The following LDHC variants were observed in gnomAD, a reference collection of about 807,000 sequenced individuals.
LDHC encodes the protein L-lactate dehydrogenase C chain.
In LDHC, 20 loss-of-function variants were observed where a neutral mutation model predicts 30.2. That is an observed-to-expected ratio of 0.66 (90% confidence interval 0.47 to 0.96). The LOEUF (loss-of-function observed/expected upper bound fraction) is 0.96. LDHC is among the 40% of genes least tolerant of loss of function. The probability of loss-of-function intolerance (pLI) is 0.00; values close to 1 mark genes in which losing one functional copy is unlikely to be tolerated. For synonymous variants in LDHC, 139 were observed against 132.7 expected (o/e 1.05, Z -0.32); for missense variants, 362 against 394.9 (o/e 0.92, Z 0.71).
intron 4 of LDHC, among the ~76,000 whole-genome samples, chr11:18,432,855 G>C (rs747136521): frequency 6.6e-6 from 1 of 152,136 alleles, no homozygotes; most frequent in Non-Finnish European, 1.5e-5. Context: ...TGTATGTTAG[G>C]TGAGTCTACT....
chr11:18,434,079 A>T (rs1848315384), intron 4 of LDHC, among the ~76,000 whole-genome samples: 1 of 152,046 alleles, frequency 6.6e-6, no homozygotes, highest in South Asian at 2.1e-4. Context: ...TCTTTCTTCT[A>T]CTTGTTCAGT....
chr11:18,422,344 C>T (rs1418379397), intron 3 of LDHC, among the ~76,000 whole-genome samples: 1 of 151,878 alleles, frequency 6.6e-6, no homozygotes. Flanking sequence ...CACTTAAGGC[C>T]AGGAGTTTGA....
intron 7 of LDHC, among the ~76,000 whole-genome samples, chr11:18,448,430 C>T (rs541969168): frequency 3.3e-5 from 5 of 151,974 alleles, no homozygotes; most frequent in African/African-American, 4.8e-5. Flanking sequence ...ATTACAGGCA[C>T]GTGCCACCAC....
chr11:18,435,719 A>C (rs910968152), intron 5 of LDHC, among the ~76,000 whole-genome samples: 1 of 152,220 alleles, frequency 6.6e-6, no homozygotes. Context: ...ACCACAATCT[A>C]AATACAGAAT....
At chr11:18,414,748 A>T (rs113822754) in intron 2 of LDHC, among the ~76,000 whole-genome samples, 16,469 of 152,154 alleles carry the variant, frequency 0.11, 941 homozygotes, top group Admixed American at 0.15. Flanking sequence ...AAATTGCTTG[A>T]ACCTGGGAGA....
intron 6 of LDHC, among the ~76,000 whole-genome samples, chr11:18,441,137 C>T (rs73438699): frequency 0.15 from 22,615 of 150,096 alleles, 1,875 homozygotes; most frequent in African/African-American, 0.22. Flanking sequence ...AAAAAAAAAA[C>T]AAAAAACAAC....
chr11:18,432,863 A>C (rs57311859), intron 4 of LDHC, among the ~76,000 whole-genome samples: 23,286 of 152,170 alleles, frequency 0.15, 2,010 homozygotes, highest in African/African-American at 0.23. Context: ...AGGTGAGTCT[A>C]CTGAAGACAG....
intron 6 of LDHC, among the ~76,000 whole-genome samples, chr11:18,440,282 C>T (rs1223035619): frequency 1.3e-5 from 2 of 151,914 alleles, no homozygotes; most frequent in Non-Finnish European, 2.9e-5. Flanking sequence ...CCAGTGCACT[C>T]CAGCCTGGCA....
intron 3 of LDHC, among the ~76,000 whole-genome samples, chr11:18,422,537 G>C (rs1166794711): frequency 6.9e-6 from 1 of 144,068 alleles, no homozygotes; most frequent in African/African-American, 2.6e-5. Flanking sequence ...CTGGGCAACA[G>C]AGCAAGACTC....
chr11:18,437,910 C>T (rs1565054555), intron 5 of LDHC, among the ~76,000 whole-genome samples: 1 of 150,728 alleles, frequency 6.6e-6, no homozygotes, highest in African/African-American at 2.4e-5. Flanking sequence ...ACTAAAAATA[C>T]AAAAAAAAGC....
At chr11:18,439,087 G>A (rs910108132) in intron 6 of LDHC, among the ~76,000 whole-genome samples, 9 of 152,156 alleles carry the variant, frequency 5.9e-5, no homozygotes, top group Non-Finnish European at 1.2e-4. Context: ...ACCATGCCAA[G>A]AACTTATTAA....
intron 7 of LDHC, among the ~76,000 whole-genome samples, chr11:18,447,156 C>T (rs375576954): frequency 1.0e-3 from 149 of 144,810 alleles, no homozygotes; most frequent in African/African-American, 3.3e-3. Flanking sequence ...TTTTTTGAGA[C>T]GGAGTCTCAC....
chr11:18,419,526 T>G (rs1867081455), intron 3 of LDHC, among the ~76,000 whole-genome samples: 1 of 152,164 alleles, frequency 6.6e-6, no homozygotes, highest in African/African-American at 2.4e-5. Context: ...GGAAACTCAC[T>G]TTATTTCAGG....
chr11:18,441,447 T>TAC (rs1848464148), intron 6 of LDHC, among the ~76,000 whole-genome samples: 1 of 151,880 alleles, frequency 6.6e-6, no homozygotes, highest in Non-Finnish European at 1.5e-5. Flanking sequence ...TAGCTGGGAC[T>TAC]ACAAGCACGC....
At chr11:18,438,501 G>A (rs991353509) in intron 5 of LDHC, 27 bp from the exon 6 acceptor site, 1 of 1,427,764 alleles carries the variant, frequency 7.0e-7, no homozygotes, top group Non-Finnish European at 9.9e-7. Flanking sequence ...GGGAAGAAGA[G>A]TTTATTTTGA....
In LDHC at chr11:18,451,417, A is replaced by G. The variant is rs1229838450; in HGVS notation, c.*290A>G. 1.5e-5 allele frequency: 3 copies of G among 193,680 alleles called. No homozygotes were observed. Among genetic ancestry groups the G allele is most frequent in the African/African-American group, 7.0e-5 (3 of 42,646 alleles). The allele number at this position is 193,680 out of a possible 1,614,324, so 12.0% of individuals were successfully genotyped here. On this transcript the variant is annotated 3_prime_UTR_variant, in exon 8 of 8. Coordinates refer to ENST00000541669, the MANE Select transcript of LDHC (RefSeq NM_017448.5). ...CTTCAGATGTAGTAGAATATGTATA[A>G]TCACTATAATACAGAGCTTTGATTC...
At chr11:18,416,245 C>T (rs1867021397) in intron 3 of LDHC, among the ~76,000 whole-genome samples, 1 of 152,000 alleles carries the variant, frequency 6.6e-6, no homozygotes, top group Admixed American at 6.6e-5. Context: ...ATACATTTAT[C>T]CATATTCTTT....
intron 3 of LDHC, among the ~76,000 whole-genome samples, chr11:18,418,539 C>T (rs111729267): frequency 0.011 from 1,607 of 151,938 alleles, 34 homozygotes; most frequent in African/African-American, 0.036. Flanking sequence ...AAGAGATTCT[C>T]CTGCCTCAGC....
chr11:18,433,399 A>T (rs12576249), intron 4 of LDHC, among the ~76,000 whole-genome samples: 211 of 105,388 alleles, frequency 2.0e-3, no homozygotes, highest in Non-Finnish European at 3.3e-3. Flanking sequence ...AAAAGGAAAT[A>T]AAAAAAAAAA....
Sources: gnomAD v4.1 joint callset for allele counts (sites outside exome capture counted in the v4.1 genomes callset) on GRCh38, gnomAD v4.1.1 for gene constraint, MANE v1.5 for transcripts, NCBI Gene and HGNC (gene_info 2026-07-23, HGNC 2026-07-21) for gene names.